KCNH5: variants seen among roughly 807,000 people sequenced by gnomAD.
The protein encoded by KCNH5 is potassium voltage-gated channel subfamily H member 5, also known as voltage-gated delayed rectifier potassium channel KCNH5.
A neutral mutation model predicts 96.1 loss-of-function variants in KCNH5; 46 were observed. The ratio of observed to expected loss-of-function variants is 0.48; its 90% confidence interval spans 0.38 to 0.61. The LOEUF is 0.61. Among genes scored for constraint, KCNH5 ranks in the 20% least tolerant of loss-of-function variants. The pLI, the probability that KCNH5 is intolerant of heterozygous loss-of-function variation, is 0.00. For synonymous variants in KCNH5, 439 were observed against 449.8 expected (o/e 0.98, Z 0.30); for missense variants, 907 against 1,225.8 (o/e 0.74, Z 3.88).
rs181300916 is a variant in KCNH5 at position 62,859,403 on chromosome 14, A to C, written c.1370-9551T>G. ...GCGATGACGGGGTGGCTGGGGAAAGAGGCCAAGGGGTGTCCACACAACAAG... is the reference window on the plus strand; with the variant it reads ...GCGATGACGGGGTGGCTGGGGAAAGCGGCCAAGGGGTGTCCACACAACAAG... On this transcript the variant is annotated intron_variant, in intron 7 of 10. Coordinates refer to ENST00000322893, the MANE Select transcript of KCNH5 (RefSeq NM_139318.5). Among the ~76,000 whole-genome samples the C allele has an allele frequency of 9.2e-5, 14 of 152,266 alleles. No homozygotes were observed. The East Asian group carries it at 2.7e-3, about 30-fold the overall frequency.
chr14:63,031,024 ACCC>A (rs1891615393), intron 1 of KCNH5, among the ~76,000 whole-genome samples: 1 of 151,914 alleles, frequency 6.6e-6, no homozygotes, highest in Non-Finnish European at 1.5e-5. Flanking sequence ...TCCTCAGGTG[ACCC>A]CAAAATGCAC....
intron 7 of KCNH5, among the ~76,000 whole-genome samples, chr14:62,916,688 G>T (rs1208424373): frequency 6.6e-6 from 1 of 151,974 alleles, no homozygotes; most frequent in Non-Finnish European, 1.5e-5. Flanking sequence ...GAACACAGAG[G>T]GGCTCTGAGA....
At chr14:62,873,310 T>TA (rs1290029658) in intron 7 of KCNH5, among the ~76,000 whole-genome samples, 2 of 152,184 alleles carry the variant, frequency 1.3e-5, no homozygotes, top group African/African-American at 4.8e-5. Context: ...AATGATAATT[T>TA]AAAAATAGAG....
intron 1 of KCNH5, 124 bp downstream of exon 1, chr14:63,044,990 G>T: frequency 1.3e-6 from 1 of 780,736 alleles, no homozygotes; most frequent in Non-Finnish European, 2.2e-6. Context: ...ACTGGTAAAT[G>T]AAACCACCAG....
chr14:62,945,265 C>T (rs1009761715), intron 7 of KCNH5, among the ~76,000 whole-genome samples: 10 of 152,098 alleles, frequency 6.6e-5, no homozygotes, highest in Non-Finnish European at 1.3e-4. Context: ...CGATAAGACA[C>T]GGGGTTACCA....
chr14:62,922,132 T>C (rs1889391487), intron 7 of KCNH5, among the ~76,000 whole-genome samples: 1 of 152,084 alleles, frequency 6.6e-6, no homozygotes, highest in Non-Finnish European at 1.5e-5. Flanking sequence ...TTCAGTTGCA[T>C]ATAGGGGTCT....
At chr14:62,939,951 T>A (rs897404364) in intron 7 of KCNH5, among the ~76,000 whole-genome samples, 6 of 151,500 alleles carry the variant, frequency 4.0e-5, no homozygotes, top group South Asian at 2.1e-4. Context: ...AAAAAAAAAA[T>A]TTTTTCAGGA....
At chr14:62,871,662 T>A (rs148447291) in intron 7 of KCNH5, among the ~76,000 whole-genome samples, 2 of 152,214 alleles carry the variant, frequency 1.3e-5, no homozygotes, top group African/African-American at 4.8e-5. Context: ...CCCTAAGCAT[T>A]AGGCAAGAAA....
At chr14:63,038,508 G>C (rs1260789292) in intron 1 of KCNH5, among the ~76,000 whole-genome samples, 1 of 152,066 alleles carries the variant, frequency 6.6e-6, no homozygotes, top group Non-Finnish European at 1.5e-5. Flanking sequence ...CAAAGAGAGA[G>C]GGAAATCTAT....
intron 5 of KCNH5, among the ~76,000 whole-genome samples, chr14:62,984,637 CTTG>C (rs1417082674): frequency 6.6e-6 from 1 of 152,026 alleles, no homozygotes; most frequent in African/African-American, 2.4e-5. Flanking sequence ...TATCGACAAT[CTTG>C]TTATTTCTGT....
chr14:63,033,981 G>A (rs1166518696), intron 1 of KCNH5, among the ~76,000 whole-genome samples: 1 of 152,008 alleles, frequency 6.6e-6, no homozygotes, highest in African/African-American at 2.4e-5. Flanking sequence ...GTGCAGTGGC[G>A]CAATCTCAGT....
Position 62,880,063 on chromosome 14 carries a change from A to G in KCNH5, c.1370-30211T>C, listed in dbSNP as rs533392112. 3.3e-5 allele frequency among the ~76,000 whole-genome samples: 5 copies of G among 152,320 alleles called. No individual in the cohort carries two copies. The East Asian group carries it at 9.6e-4, about 29-fold the overall frequency. ...TTTTAATTTTTTGTATTAGAAATGTATTATTACATTCAGTGAAGTTTTGGA... is the reference window on the plus strand; with the variant it reads ...TTTTAATTTTTTGTATTAGAAATGTGTTATTACATTCAGTGAAGTTTTGGA... On this transcript the variant is annotated intron_variant, in intron 7 of 10. Coordinates refer to ENST00000322893, the MANE Select transcript of KCNH5 (RefSeq NM_139318.5).
chr14:63,045,344 C>A lies in KCNH5; in HGVS notation c.-158G>T. On this transcript the variant is annotated 5_prime_UTR_variant, in exon 1 of 11. Coordinates refer to ENST00000322893, the MANE Select transcript of KCNH5 (RefSeq NM_139318.5). ...CGGGGTCCCCTGACTGTGTCTCCAG[C>A]CCGACCCGGATGAGCAGCTCTGGGG... 3 of 648,818 alleles carry A rather than the reference C, an allele frequency of 4.6e-6. No individual in the cohort carries two copies. The highest frequency in any genetic ancestry group is 5.6e-6 in the Non-Finnish European group (2 of 359,820). 40.2% of individuals were successfully genotyped at this position (648,818 alleles called of 1,614,324 possible).
chr14:62,880,156 C>A (rs1370532289), intron 7 of KCNH5, among the ~76,000 whole-genome samples: 1 of 152,132 alleles, frequency 6.6e-6, no homozygotes, highest in Admixed American at 6.5e-5. Flanking sequence ...CGTTCATAGT[C>A]AAGGGCATTG....
intron 7 of KCNH5, among the ~76,000 whole-genome samples, chr14:62,858,773 C>A (rs1887977712): frequency 6.6e-6 from 1 of 152,128 alleles, no homozygotes; most frequent in African/African-American, 2.4e-5. Context: ...ATGGGAGAAA[C>A]AATACCATAT....
rs1208104811 is a variant in KCNH5 at position 62,707,235 on chromosome 14, C to CA, written c.*272dup. ...TCAAATATTACATTGCCTTGGGTAA[C>CA]AAAAATCATACTCTTTTATTATAGA... On this transcript the variant is annotated 3_prime_UTR_variant, in exon 11 of 11. Transcript: ENST00000322893. 1.6e-5 allele frequency: 3 copies of CA among 184,394 alleles called. No individual in the cohort carries two copies. The highest frequency in any genetic ancestry group is 7.0e-5 in the African/African-American group (3 of 42,778). The allele number at this position is 184,394 out of a possible 1,614,324, so 11.4% of individuals were successfully genotyped here.
chr14:62,917,775 T>C (rs1595683917), intron 7 of KCNH5, among the ~76,000 whole-genome samples: 1 of 152,188 alleles, frequency 6.6e-6, no homozygotes, highest in South Asian at 2.1e-4. Flanking sequence ...CCCCACATTA[T>C]TCTTAATACC....
In KCNH5 at chr14:62,950,358, T is replaced by A; in HGVS notation, c.1144A>T (p.Thr382Ser). 6.2e-7 allele frequency: 1 copy of A among 1,613,988 alleles called. No individual in the cohort carries two copies. The highest frequency in any genetic ancestry group is 8.5e-7 in the Non-Finnish European group (1 of 1,179,960). The stretch of plus-strand genomic sequence containing the variant: ...TAGAGCCAACTGTCTATTTGGATGG[T>A]GTTAGTGACTTCATCAATGACCTCG... Reference protein sequence around the residue: ...DYEVIDEVTNTIQIDSWLYQL... With the variant: ...DYEVIDEVTNSIQIDSWLYQL... The change falls in exon 7 of 11, where the codon ACC (threonine) becomes TCC (serine). Residue 382 changes from threonine (T) to serine (S), a missense_variant. Physicochemically the swap from Thr to Ser is moderately conservative, Grantham distance 58 (BLOSUM62 1). Transcript: ENST00000322893.
intron 7 of KCNH5, among the ~76,000 whole-genome samples, chr14:62,909,032 A>ATTTTTTTTTTTTT (rs58920666): frequency 1.7e-5 from 1 of 57,926 alleles, no homozygotes; most frequent in Non-Finnish European, 2.9e-5. Flanking sequence ...TATGCTACGT[A>ATTTTTTTTTTTTT]TTTTTTTTTT....
Sources: gnomAD v4.1 joint callset for allele counts (sites outside exome capture counted in the v4.1 genomes callset) on GRCh38, gnomAD v4.1.1 for gene constraint, MANE v1.5 for transcripts, NCBI Gene and HGNC (gene_info 2026-07-23, HGNC 2026-07-21) for gene names.